The following RAB31 variants were observed in gnomAD, a reference collection of about 807,000 sequenced individuals.
RAB31 encodes ras-related protein Rab-31.
In RAB31, 21 loss-of-function variants were observed where a neutral mutation model predicts 25.6. The ratio of observed to expected loss-of-function variants is 0.82; its 90% CI spans 0.58 to 1.18. RAB31 has a LOEUF of 1.18. Ranked by LOEUF, RAB31 falls within the 50% of genes most tolerant of loss-of-function variation. RAB31 has a pLI of 0.00. For synonymous variants in RAB31, 87 were observed against 84.0 expected (o/e 1.04, Z -0.20); for missense variants, 196 against 250.1 (o/e 0.78, Z 1.46).
chr18:9,812,689 ATTTTTTTTTTTTTTT>A (rs55968922), intron 3 of RAB31, among the ~76,000 whole-genome samples: 17 of 90,234 alleles, frequency 1.9e-4, no homozygotes, highest in South Asian at 8.5e-4. Flanking sequence ...CCAGGATACT[ATTTTTTTTTTTTTTT>A]TTTTTTTTTT....
At chr18:9,824,056 C>T (rs2068636697) in intron 5 of RAB31, among the ~76,000 whole-genome samples, 1 of 152,208 alleles carries the variant, frequency 6.6e-6, no homozygotes. Context: ...CCTCTAAACC[C>T]CAGACCTTAT....
intron 1 of RAB31, among the ~76,000 whole-genome samples, chr18:9,722,471 A>G (rs745907953): frequency 1.1e-4 from 16 of 152,346 alleles, no homozygotes; most frequent in Middle Eastern, 3.4e-3. Flanking sequence ...ATCCAGCCAC[A>G]GTGGAGCAAC....
chr18:9,777,259 T>C (rs572284070), intron 2 of RAB31, among the ~76,000 whole-genome samples: 53 of 152,202 alleles, frequency 3.5e-4, no homozygotes, highest in African/African-American at 1.2e-3. Context: ...GAGAAGGTGG[T>C]GGTTGCAGTG....
chr18:9,728,212 A>T (rs2068104692), intron 1 of RAB31, among the ~76,000 whole-genome samples: 1 of 152,194 alleles, frequency 6.6e-6, no homozygotes, highest in African/African-American at 2.4e-5. Context: ...CTTATTTTAA[A>T]AGTCACATAG....
chr18:9,813,896 A>C, intron 3 of RAB31, 124 bp from the exon 4 acceptor site: 1 of 524,922 alleles, frequency 1.9e-6, no homozygotes, highest in Non-Finnish European at 3.3e-6. Context: ...ACCATGGAAA[A>C]ATTATATAGG....
intron 1 of RAB31, among the ~76,000 whole-genome samples, chr18:9,721,316 A>G (rs770310100): frequency 6.6e-6 from 1 of 152,216 alleles, no homozygotes; most frequent in Non-Finnish European, 1.5e-5. Context: ...TTAGTATACA[A>G]ATAATTGGGG....
intron 1 of RAB31, among the ~76,000 whole-genome samples, chr18:9,765,773 C>T (rs989617693): frequency 6.6e-6 from 1 of 152,156 alleles, no homozygotes; most frequent in Non-Finnish European, 1.5e-5. Context: ...AACTGGAGCT[C>T]TCCCGGGAGT....
chr18:9,841,032 G>A (rs1042892278), intron 5 of RAB31, among the ~76,000 whole-genome samples: 2 of 152,078 alleles, frequency 1.3e-5, no homozygotes, highest in South Asian at 2.1e-4. Flanking sequence ...AGGCTCAAGC[G>A]ATCTTCCCAT....
rs1172070950 is a variant in RAB31, at chr18:9,861,122, AT to A, written c.*1798del. 3 of 150,546 alleles carry A rather than the reference AT, an allele frequency of 2.0e-5. No individual in the cohort carries two copies. Among genetic ancestry groups the A allele is most frequent in the African/African-American group, 2.4e-5 (1 of 41,136 alleles). The allele number at this position is 150,546 out of a possible 1,614,324, so 9.3% of individuals were successfully genotyped here. On this transcript the variant is annotated 3_prime_UTR_variant, in exon 7 of 7. Coordinates refer to ENST00000578921, the MANE Select transcript of RAB31 (RefSeq NM_006868.4). ...CAAAGGTAAAAAAAAAAAAAAAAAA[AT>A]GAGTTGAAAATTGAAGTGACCTCTT...
At position 9,708,583 on chromosome 18, in the gene RAB31, CG is replaced by C. The variant is rs1299309060; in HGVS notation, c.39+140del. The C allele has an allele frequency of 1.6e-5, 12 of 746,404 alleles. No homozygotes were observed. The highest frequency in any genetic ancestry group is 9.2e-5 in the African/African-American group (5 of 54,064). 46.2% of individuals were successfully genotyped at this position (746,404 alleles called of 1,614,324 possible). A position where few individuals can be genotyped will look rare whatever the true frequency, so the allele number is the denominator to read the frequency against. On this transcript the variant is annotated intron_variant, in intron 1 of 6. Coordinates refer to ENST00000578921, the MANE Select transcript of RAB31 (RefSeq NM_006868.4). This position sits in a 1 kb window ranked among gnomAD's most constrained non-coding sequence, Gnocchi z 6.4. ...TCGTAGCCCCCGTCCCCCTCGTCCG[CG>C]CGCCCCCTGGTTCCCCGGGTCCCCC...
intron 5 of RAB31, among the ~76,000 whole-genome samples, chr18:9,836,481 T>C (rs17731615): frequency 0.011 from 1,738 of 152,324 alleles, 11 homozygotes; most frequent in Non-Finnish European, 0.018. Context: ...ATTTCCAAAC[T>C]ACTGGCTTCA....
intron 1 of RAB31, among the ~76,000 whole-genome samples, chr18:9,710,239 G>A (rs1219688083): frequency 6.6e-6 from 1 of 152,132 alleles, no homozygotes. Flanking sequence ...GCAACTCAGT[G>A]GCCTCATCTA....
intron 1 of RAB31, among the ~76,000 whole-genome samples, chr18:9,769,862 A>T (rs567565962): frequency 6.6e-6 from 1 of 152,170 alleles, no homozygotes; most frequent in African/African-American, 2.4e-5. Context: ...CATTCCATCA[A>T]TACCTAGTTT....
intron 3 of RAB31, among the ~76,000 whole-genome samples, chr18:9,810,036 CA>C (rs1437335726): frequency 2.0e-5 from 3 of 152,226 alleles, no homozygotes; most frequent in Non-Finnish European, 4.4e-5. Flanking sequence ...TAATCACACA[CA>C]CTAAGGACAT....
chr18:9,805,676 C>T (rs765188441), intron 3 of RAB31, among the ~76,000 whole-genome samples: 19 of 152,244 alleles, frequency 1.2e-4, no homozygotes, highest in African/African-American at 1.7e-4. Context: ...TCCAGTTTCT[C>T]TGCTGCTCAG....
Position 9,792,249 on chromosome 18 carries a change from GT to G in RAB31, c.201+20del. The G allele has an allele frequency of 1.2e-6, 2 of 1,604,638 alleles. No homozygotes were observed. Among genetic ancestry groups the G allele is most frequent in the Admixed American group, 1.7e-5 (1 of 58,926 alleles). On this transcript the variant is annotated intron_variant, in intron 3 of 6. Transcript: ENST00000578921. ...GGTCAGGAACGGGTGAGTATATGCT[GT>G]TTTTTGGTGAAAACAAGATCCAGTG...
chr18:9,837,712 C>T (rs2068712530), intron 5 of RAB31, among the ~76,000 whole-genome samples: 1 of 152,190 alleles, frequency 6.6e-6, no homozygotes, highest in Non-Finnish European at 1.5e-5. Context: ...AAGTTATTCA[C>T]CATCCTTGAA....
At chr18:9,818,133 C>T (rs2068608097) in intron 5 of RAB31, among the ~76,000 whole-genome samples, 1 of 152,216 alleles carries the variant, frequency 6.6e-6, no homozygotes, top group Non-Finnish European at 1.5e-5. Flanking sequence ...AGCTGACTGC[C>T]TTTAAAACTC....
At chr18:9,820,872 T>G (rs1342829736) in intron 5 of RAB31, among the ~76,000 whole-genome samples, 1 of 152,088 alleles carries the variant, frequency 6.6e-6, no homozygotes, top group Non-Finnish European at 1.5e-5. Flanking sequence ...TTCTTTTCAT[T>G]GTTTTTCTCT....
Sources: allele counts gnomAD v4.1 joint callset (sites outside exome capture counted in the v4.1 genomes callset), GRCh38; gene constraint gnomAD v4.1.1; non-coding constraint Gnocchi (gnomAD v3.1); transcripts MANE v1.5; gene names NCBI Gene and HGNC (gene_info 2026-07-23, HGNC 2026-07-21).